CTNNA3: variants seen among roughly 807,000 people sequenced by gnomAD.
The protein encoded by CTNNA3 is catenin alpha 3, also known as catenin alpha-3.
CTNNA3 carries 76 observed loss-of-function variants against 95.7 expected under a neutral mutation model. That is an observed-to-expected ratio of 0.79 (90% CI 0.66 to 0.96). The LOEUF (loss-of-function observed/expected upper bound fraction) is 0.96. Ranked by LOEUF, CTNNA3 falls within the 40% of genes least tolerant of loss-of-function variation. The pLI, the probability that CTNNA3 is intolerant of heterozygous loss-of-function variation, is 0.00. For missense variants in CTNNA3, 1,191 were observed against 1,089.8 expected (o/e 1.09, Z -1.31); for synonymous variants, 431 against 374.4 (o/e 1.15, Z -1.74).
intron 13 of CTNNA3, among the ~76,000 whole-genome samples, chr10:66,203,243 G>T (rs2087547794): frequency 6.6e-6 from 1 of 152,120 alleles, no homozygotes; most frequent in African/African-American, 2.4e-5. Flanking sequence ...AGATGAATCA[G>T]TAAAGAATCC....
intron 7 of CTNNA3, among the ~76,000 whole-genome samples, chr10:66,816,401 T>C (rs538483164): frequency 6.6e-6 from 1 of 152,152 alleles, no homozygotes; most frequent in South Asian, 2.1e-4. Flanking sequence ...AATCGACTAA[T>C]GGATTTTTAA....
rs571473369 is a variant in CTNNA3 at position 66,374,528 on chromosome 10, G to A, written c.1732+4624C>T. The stretch of plus-strand genomic sequence containing the variant: ...ATTCTAACATACGACACAATGGTAG[G>A]CCCTGGGAGAGATTCAAAGAAAAAT... On this transcript the variant is annotated intron_variant, in intron 12 of 17. Transcript: ENST00000433211. Among the ~76,000 whole-genome samples, 8 of 151,418 alleles carry A rather than the reference G, an allele frequency of 5.3e-5. 1 individual carries two copies. Among genetic ancestry groups the A allele is most frequent in the Admixed American group, 4.6e-4 (7 of 15,220 alleles).
At chr10:67,162,891 A>C (rs2132093052) in intron 7 of CTNNA3, among the ~76,000 whole-genome samples, 1 of 152,132 alleles carries the variant, frequency 6.6e-6, no homozygotes, top group Non-Finnish European at 1.5e-5. Context: ...GTTAGATGAA[A>C]TAAACCAATT....
chr10:66,205,308 C>A (rs1356107759), intron 13 of CTNNA3, among the ~76,000 whole-genome samples: 2 of 151,714 alleles, frequency 1.3e-5, no homozygotes, highest in African/African-American at 4.8e-5. Context: ...TGTAAGAAAA[C>A]AATGTTGAAT....
intron 15 of CTNNA3, among the ~76,000 whole-genome samples, chr10:66,048,840 A>G (rs918493915): frequency 4.6e-5 from 7 of 152,220 alleles, no homozygotes; most frequent in African/African-American, 1.7e-4. Context: ...AAAACCCTGG[A>G]AGAAAACCTA....
At chr10:66,166,498 CAAAAAAAAAAAA>C (rs35165850) in intron 13 of CTNNA3, among the ~76,000 whole-genome samples, 25 of 105,208 alleles carry the variant, frequency 2.4e-4, no homozygotes, top group African/African-American at 9.0e-4. Flanking sequence ...CAGTCTGTCT[CAAAAAAAAAAAA>C]AAAAAAAAGA....
chr10:66,941,145 A>G (rs1347944040), intron 7 of CTNNA3, among the ~76,000 whole-genome samples: 1 of 152,252 alleles, frequency 6.6e-6, no homozygotes. Context: ...GTAGAGAGAC[A>G]ATATTTCCTC....
At chr10:66,797,301 C>T (rs1379768047) in intron 7 of CTNNA3, among the ~76,000 whole-genome samples, 3 of 151,098 alleles carry the variant, frequency 2.0e-5, no homozygotes, top group Admixed American at 2.0e-4. Flanking sequence ...TAGTTGATGC[C>T]AATGTGGTAC....
intron 13 of CTNNA3, among the ~76,000 whole-genome samples, chr10:66,228,608 A>G (rs1031738930): frequency 2.3e-4 from 35 of 152,180 alleles, no homozygotes; most frequent in Admixed American, 4.6e-4. Context: ...AACAATGTGT[A>G]CTTGTAGTTG....
At chr10:66,915,752 ATTT>A (rs3056549) in intron 7 of CTNNA3, among the ~76,000 whole-genome samples, 3 of 137,266 alleles carry the variant, frequency 2.2e-5, no homozygotes, top group Non-Finnish European at 3.1e-5. Flanking sequence ...ACATATATAC[ATTT>A]TTTTTTTTTT....
intron 9 of CTNNA3, among the ~76,000 whole-genome samples, chr10:66,731,025 T>C (rs1462521509): frequency 1.3e-5 from 2 of 152,208 alleles, no homozygotes; most frequent in East Asian, 3.8e-4. Context: ...ACATTTCTTT[T>C]GGATAATTAT....
rs2089779845 is a variant in CTNNA3 at position 66,234,996 on chromosome 10, AGTCT to A, written c.1884+45470_1884+45473del. On this transcript the variant is annotated intron_variant, in intron 13 of 17. Transcript: ENST00000433211. ...TGAAAGTAGTCTCTGTCCAACAATC[AGTCT>A]AACAGCCTGAGAAGAACTGAATTCT... Among the ~76,000 whole-genome samples, 4 of 152,332 alleles carry A rather than the reference AGTCT, an allele frequency of 2.6e-5. No homozygotes were observed. In the South Asian group the frequency reaches 6.2e-4, roughly 24 times the overall value.
At chr10:66,807,715 T>C (rs918915100) in intron 7 of CTNNA3, among the ~76,000 whole-genome samples, 3 of 152,126 alleles carry the variant, frequency 2.0e-5, no homozygotes, top group Admixed American at 1.3e-4. Context: ...TTTTCCAAAA[T>C]AAAAATTTTT....
chr10:66,393,260 G>T (rs996355883), intron 11 of CTNNA3, among the ~76,000 whole-genome samples: 1 of 152,024 alleles, frequency 6.6e-6, no homozygotes, highest in East Asian at 1.9e-4. Context: ...TTTCCAGATG[G>T]TAAAACTATT....
At chr10:67,755,781 G>A (rs771511306) in intron 1 of CTNNA3, among the ~76,000 whole-genome samples, 41 of 120,184 alleles carry the variant, frequency 3.4e-4, no homozygotes, top group Middle Eastern at 7.2e-3. Flanking sequence ...CAGCCTGGGC[G>A]ACAAAAGTGA....
At chr10:66,608,361 G>A (rs534146823) in intron 10 of CTNNA3, among the ~76,000 whole-genome samples, 21 of 152,182 alleles carry the variant, frequency 1.4e-4, no homozygotes, top group South Asian at 1.2e-3. Context: ...TTCTTAAAAT[G>A]ACCATACTGC....
chr10:67,388,140 G>C (rs989032788), intron 5 of CTNNA3, among the ~76,000 whole-genome samples: 1 of 133,828 alleles, frequency 7.5e-6, no homozygotes, highest in African/African-American at 2.8e-5. Flanking sequence ...CAAACCAAAG[G>C]CAAAGAAGTT....
intron 5 of CTNNA3, among the ~76,000 whole-genome samples, chr10:67,477,245 G>A (rs1281528455): frequency 2.0e-5 from 3 of 152,096 alleles, no homozygotes; most frequent in Admixed American, 1.3e-4. Flanking sequence ...CACACCTCTC[G>A]GTGGATGCTC....
chr10:65,997,490 C>T (rs1210651230), intron 15 of CTNNA3, among the ~76,000 whole-genome samples: 2 of 152,082 alleles, frequency 1.3e-5, no homozygotes, highest in Non-Finnish European at 2.9e-5. Flanking sequence ...CTTACCCCTC[C>T]CACCCTTTGA....
Sources: allele counts gnomAD v4.1 joint callset (sites outside exome capture counted in the v4.1 genomes callset), GRCh38; gene constraint gnomAD v4.1.1; transcripts MANE v1.5; gene names NCBI Gene and HGNC (gene_info 2026-07-23, HGNC 2026-07-21).